The following AKR1C8 variants were observed in gnomAD, a reference collection of about 807,000 sequenced individuals.
AKR1C8 encodes the protein aldo-keto reductase family 1 member C8.
At chr10:5,122,960 C>G in the AKR1C8 span, among the ~76,000 whole-genome samples, 1 of 152,100 alleles carries the variant, frequency 6.6e-6, no homozygotes, top group Non-Finnish European at 1.5e-5. Flanking sequence ...GATTTGGAGA[C>G]TAGAGAACAC....
chr10:5,162,781 C>A, the AKR1C8 span: 1 of 409,034 alleles, frequency 2.4e-6, no homozygotes, highest in South Asian at 2.1e-5. Flanking sequence ...CAACTTAGAC[C>A]ATGTTTTCAT....
chr10:5,166,751 C>G, the AKR1C8 span, among the ~76,000 whole-genome samples: 1 of 152,070 alleles, frequency 6.6e-6, no homozygotes, highest in Admixed American at 6.6e-5. Context: ...GTCTAAAACA[C>G]CAAAAGCAAT....
chr10:5,174,398 T>A, the AKR1C8 span, among the ~76,000 whole-genome samples: 79,933 of 151,704 alleles, frequency 0.53, 22,049 homozygotes, highest in Non-Finnish European at 0.6. Flanking sequence ...CAAAATAAAA[T>A]GTCTTAAAAA....
At chr10:5,151,715 C>T in the AKR1C8 span, among the ~76,000 whole-genome samples, 5 of 152,006 alleles carry the variant, frequency 3.3e-5, no homozygotes, top group Non-Finnish European at 7.4e-5. Context: ...CACCACCATG[C>T]CTGGCTAATT....
chr10:5,139,312 T>C, the AKR1C8 span, among the ~76,000 whole-genome samples: 2 of 152,240 alleles, frequency 1.3e-5, no homozygotes, highest in Non-Finnish European at 2.9e-5. Context: ...TTAAAGTTCA[T>C]ATGGAACCAA....
chr10:5,142,384 G>A, the AKR1C8 span, among the ~76,000 whole-genome samples: 31 of 152,214 alleles, frequency 2.0e-4, 1 homozygote, highest in African/African-American at 6.7e-4. Context: ...TTTCCTTAAA[G>A]AACTTTTCCT....
At chr10:5,176,783 T>C in the AKR1C8 span, among the ~76,000 whole-genome samples, 1 of 152,190 alleles carries the variant, frequency 6.6e-6, no homozygotes, top group Non-Finnish European at 1.5e-5. Context: ...TCTGTTTGTC[T>C]GTTATTGGTG....
chr10:5,136,644 A>T, the AKR1C8 span, among the ~76,000 whole-genome samples: 1 of 152,218 alleles, frequency 6.6e-6, no homozygotes, highest in Admixed American at 6.5e-5. Flanking sequence ...TATGTGTTTC[A>T]TAAGTGTACA....
chr10:5,159,434 TG>T, the AKR1C8 span, among the ~76,000 whole-genome samples: 4 of 152,126 alleles, frequency 2.6e-5, no homozygotes, highest in African/African-American at 9.7e-5. Flanking sequence ...CTCTCCTGGT[TG>T]TCTCCATCTG....
At chr10:5,156,184 C>T in the AKR1C8 span, among the ~76,000 whole-genome samples, 1 of 152,166 alleles carries the variant, frequency 6.6e-6, no homozygotes, top group Non-Finnish European at 1.5e-5. Flanking sequence ...AGCCTTAGAA[C>T]ACAGGAAACT....
At chr10:5,181,177 G>C in the AKR1C8 span, among the ~76,000 whole-genome samples, 2 of 152,056 alleles carry the variant, frequency 1.3e-5, no homozygotes, top group African/African-American at 2.4e-5. Flanking sequence ...TTAACAATAT[G>C]TATAAAGAAT....
the AKR1C8 span, among the ~76,000 whole-genome samples, chr10:5,137,594 T>C: frequency 6.6e-6 from 1 of 152,126 alleles, no homozygotes; most frequent in Non-Finnish European, 1.5e-5. Context: ...ATAAGAGCTA[T>C]TTATGACAAA....
At chr10:5,169,843 GT>G in the AKR1C8 span, among the ~76,000 whole-genome samples, 3 of 152,028 alleles carry the variant, frequency 2.0e-5, no homozygotes, top group Non-Finnish European at 4.4e-5. Flanking sequence ...GTGAGGTAGG[GT>G]TGAGGCTGAG....
the AKR1C8 span, among the ~76,000 whole-genome samples, chr10:5,174,986 AT>A: frequency 6.6e-6 from 1 of 152,046 alleles, no homozygotes; most frequent in African/African-American, 2.4e-5. Flanking sequence ...TTATTATTAT[AT>A]TTTAAGTTTT....
chr10:5,127,278 A>G, the AKR1C8 span, among the ~76,000 whole-genome samples: 1 of 152,198 alleles, frequency 6.6e-6, no homozygotes, highest in African/African-American at 2.4e-5. Context: ...TCACAAAGAA[A>G]AACCAATCAG....
chr10:5,144,396 T>C, the AKR1C8 span, among the ~76,000 whole-genome samples: 1 of 152,142 alleles, frequency 6.6e-6, no homozygotes, highest in Admixed American at 6.5e-5. Flanking sequence ...AGTAGTTTTT[T>C]CCAAATCTGT....
At chr10:5,172,706 T>C in the AKR1C8 span, among the ~76,000 whole-genome samples, 1 of 152,138 alleles carries the variant, frequency 6.6e-6, no homozygotes, top group Non-Finnish European at 1.5e-5. Flanking sequence ...TTTCTAATTT[T>C]ACTGTACTGG....
the AKR1C8 span, chr10:5,154,249 C>T: frequency 2.1e-6 from 1 of 465,720 alleles, no homozygotes; most frequent in Non-Finnish European, 4.5e-6. Flanking sequence ...TCTGAAGAAG[C>T]ACTTGGGATG....
chr10:5,121,174 CTTTGTG>C, the AKR1C8 span, among the ~76,000 whole-genome samples: 1 of 152,068 alleles, frequency 6.6e-6, no homozygotes, highest in African/African-American at 2.4e-5. Context: ...CTCCAAACTT[CTTTGTG>C]TTTGATTCCT....
Sources: allele counts gnomAD v4.1 joint callset (sites outside exome capture counted in the v4.1 genomes callset), GRCh38; gene constraint gnomAD v4.1.1; transcripts MANE v1.5; gene names NCBI Gene and HGNC (gene_info 2026-07-23, HGNC 2026-07-21).